The following CLIP4 variants were observed in gnomAD, a reference collection of about 807,000 sequenced individuals.
CLIP4 encodes the protein CAP-Gly domain containing linker protein family member 4.
CLIP4 carries 47 observed loss-of-function variants against 73.1 expected under a neutral mutation model. The ratio of observed to expected loss-of-function variants is 0.64; its 90% CI spans 0.51 to 0.82. The LOEUF is 0.82. Among genes scored for constraint, CLIP4 ranks in the 40% least tolerant of loss-of-function variants. The pLI, the probability that CLIP4 is intolerant of heterozygous loss-of-function variation, is 0.00. For missense variants in CLIP4, 874 were observed against 852.9 expected, an observed-to-expected ratio of 1.02 and a Z score of -0.31; for synonymous variants, 306 against 295.4, an observed-to-expected ratio of 1.04 and a Z score of -0.37.
chr2:29,108,381 T>C (rs1032206695), intron 1 of CLIP4, among the ~76,000 whole-genome samples: 1 of 152,218 alleles, frequency 6.6e-6, no homozygotes, highest in Non-Finnish European at 1.5e-5. Flanking sequence ...ATAAGGAGCA[T>C]GTACAGTGTG....
chr2:29,129,138 G>C (rs1455252401), intron 2 of CLIP4, among the ~76,000 whole-genome samples: 1 of 152,128 alleles, frequency 6.6e-6, no homozygotes, highest in Non-Finnish European at 1.5e-5. Context: ...GAGAAATTTT[G>C]TAACTTAGAG....
intron 14 of CLIP4, among the ~76,000 whole-genome samples, chr2:29,171,541 C>T (rs1450252808): frequency 7.8e-5 from 11 of 140,364 alleles, no homozygotes; most frequent in East Asian, 6.1e-4. Flanking sequence ...TTTTTTGAGA[C>T]GGAGTCTTGC....
At chr2:29,145,057 G>T (rs1357935863) in intron 7 of CLIP4, among the ~76,000 whole-genome samples, 175 bp from the exon 8 acceptor site, 1 of 151,472 alleles carries the variant, frequency 6.6e-6, no homozygotes, top group Non-Finnish European at 1.5e-5. Context: ...GCTCTGAAGT[G>T]AGAGCAAGGA....
At chr2:29,138,600 A>C (rs897359922) in intron 6 of CLIP4, among the ~76,000 whole-genome samples, 2 of 152,078 alleles carry the variant, frequency 1.3e-5, no homozygotes, top group African/African-American at 4.8e-5. Flanking sequence ...TGCTTTGGGC[A>C]ATGTGGACAT....
chr2:29,143,213 G>C (rs1164653578), intron 6 of CLIP4, among the ~76,000 whole-genome samples: 3 of 152,154 alleles, frequency 2.0e-5, no homozygotes, highest in Middle Eastern at 3.2e-3. Context: ...TCTCCGTTTA[G>C]GACCTGAGCA....
chr2:29,122,164 T>A (rs1213212447), intron 2 of CLIP4, among the ~76,000 whole-genome samples: 1 of 152,148 alleles, frequency 6.6e-6, no homozygotes, highest in East Asian at 1.9e-4. Flanking sequence ...TATTAGTAGA[T>A]ATAAAGTTAT....
intron 2 of CLIP4, chr2:29,130,964 T>C: frequency 8.1e-7 from 1 of 1,236,550 alleles, no homozygotes; most frequent in Non-Finnish European, 1.1e-6. Flanking sequence ...CTACCCCAGA[T>C]TTGCCACTTA....
chr2:29,155,676 C>T (rs1166081362), intron 9 of CLIP4, among the ~76,000 whole-genome samples: 1 of 152,170 alleles, frequency 6.6e-6, no homozygotes, highest in Non-Finnish European at 1.5e-5. Flanking sequence ...AATGTCTCCT[C>T]TCCACCCTCT....
chr2:29,130,850 C>G lies in CLIP4; in HGVS notation c.134-408C>G, dbSNP rs1473121351. Reference sequence around the variant, plus strand: ...AAAAACAAAAAAACCTCAATGAGTCCCACTACTTATGCATGCTGTTACAAT... The same window carrying G: ...AAAAACAAAAAAACCTCAATGAGTCGCACTACTTATGCATGCTGTTACAAT... On this transcript the variant is annotated intron_variant, in intron 2 of 15. Coordinates refer to ENST00000320081, the MANE Select transcript of CLIP4 (RefSeq NM_024692.6). 3.1e-6 allele frequency: 4 copies of G among 1,289,422 alleles called. No individual in the cohort carries two copies. In the South Asian group the frequency reaches 4.9e-5, roughly 16 times the overall value. The allele number at this position is 1,289,422 out of a possible 1,614,324, so 79.9% of individuals were successfully genotyped here. A position where few individuals can be genotyped will look rare whatever the true frequency, so the allele number is the denominator to read the frequency against.
At chr2:29,107,607 G>A (rs560882908) in intron 1 of CLIP4, among the ~76,000 whole-genome samples, 2 of 151,688 alleles carry the variant, frequency 1.3e-5, no homozygotes, top group Non-Finnish European at 2.9e-5. Context: ...AGCTCCTGAC[G>A]TTGTGATCCA....
chr2:29,104,704 CAT>C (rs1237448231), intron 1 of CLIP4, among the ~76,000 whole-genome samples: 2 of 152,190 alleles, frequency 1.3e-5, no homozygotes, highest in Non-Finnish European at 2.9e-5. Context: ...TAGAGGCACA[CAT>C]GTTTTCATGA....
At chr2:29,118,851 G>T (rs578007040) in intron 1 of CLIP4, among the ~76,000 whole-genome samples, 2 of 152,146 alleles carry the variant, frequency 1.3e-5, no homozygotes, top group Admixed American at 6.5e-5. Context: ...TTTTTAACCT[G>T]AGGCTTACTT....
rs146399446 is a variant in CLIP4, at chr2:29,143,822, G to T, written c.762G>T (p.Ala254=). The part of the protein sequence containing the change: ...AKEIKQMLLD[A]VPLSCNISKA... ...AAATCAAGCAGATGCTTCTAGATGC[G>T]GTGCCTCTGTCATGTAACATCTCAA... The change falls in exon 7 of 16, where the codon GCG becomes GCT. Residue 254 remains alanine, a synonymous_variant. Coordinates refer to ENST00000320081, the MANE Select transcript of CLIP4 (RefSeq NM_024692.6). 6.2e-7 allele frequency: 1 copy of T among 1,614,022 alleles called. No individual in the cohort carries two copies. The highest frequency in any genetic ancestry group is 8.5e-7 in the Non-Finnish European group (1 of 1,179,924).
In CLIP4 at chr2:29,132,372, C is replaced by T. The variant is rs377595609; in HGVS notation, c.367+127C>T. Reference sequence around the variant, plus strand: ...GATGATGATAATATTGCCTGAAGAGCTGAGGATTCAGTTAGGTCCTTCCAA... The same window carrying T: ...GATGATGATAATATTGCCTGAAGAGTTGAGGATTCAGTTAGGTCCTTCCAA... On this transcript the variant is annotated intron_variant, in intron 4 of 15. Coordinates refer to ENST00000320081, the MANE Select transcript of CLIP4 (RefSeq NM_024692.6). The T allele has an allele frequency of 4.2e-4, 313 of 749,474 alleles. 5 individuals carry two copies. The South Asian group carries it at 5.1e-3, about 12-fold the overall frequency. 46.4% of individuals were successfully genotyped at this position (749,474 alleles called of 1,614,324 possible). A position where few individuals can be genotyped will look rare whatever the true frequency, so the allele number is the denominator to read the frequency against.
intron 1 of CLIP4, among the ~76,000 whole-genome samples, chr2:29,118,967 G>T (rs1427994138): frequency 6.6e-6 from 1 of 152,150 alleles, no homozygotes; most frequent in Non-Finnish European, 1.5e-5. Context: ...AGGTGTTGTA[G>T]GTCTTCAGAT....
intron 1 of CLIP4, among the ~76,000 whole-genome samples, chr2:29,105,287 A>G (rs1022607726): frequency 7.9e-5 from 12 of 152,220 alleles, no homozygotes; most frequent in Admixed American, 7.2e-4. Flanking sequence ...TATTTTAAAG[A>G]AATCTAAGTT....
chr2:29,127,851 C>A (rs547638227), intron 2 of CLIP4, among the ~76,000 whole-genome samples: 63 of 152,168 alleles, frequency 4.1e-4, no homozygotes, highest in Middle Eastern at 6.8e-3. Flanking sequence ...TCCATAGTTA[C>A]AGATTTGATG....
intron 5 of CLIP4, among the ~76,000 whole-genome samples, chr2:29,134,660 G>A (rs1012207587): frequency 6.6e-6 from 1 of 152,114 alleles, no homozygotes; most frequent in African/African-American, 2.4e-5. Flanking sequence ...GTATGTGGGT[G>A]TGGTGTTGTT....
chr2:29,126,590 G>A (rs1455730195), intron 2 of CLIP4, among the ~76,000 whole-genome samples: 1 of 152,198 alleles, frequency 6.6e-6, no homozygotes, highest in Non-Finnish European at 1.5e-5. Context: ...CCTCTGGAAG[G>A]CAGGGCATTA....
Sources: gnomAD v4.1 joint callset for allele counts (sites outside exome capture counted in the v4.1 genomes callset) on GRCh38, gnomAD v4.1.1 for gene constraint, MANE v1.5 for transcripts, NCBI Gene and HGNC (gene_info 2026-07-23, HGNC 2026-07-21) for gene names.